Variants in USP15 observed in about 807,000 individuals in gnomAD.
USP15 encodes ubiquitin specific peptidase 15, also known as ubiquitin carboxyl-terminal hydrolase 15.
Under a neutral mutation model 127.1 loss-of-function variants are expected in USP15, and 18 were observed. The observed-to-expected ratio is 0.14, with a 90% CI of 0.10 to 0.21. The LOEUF (loss-of-function observed/expected upper bound fraction) is 0.21. USP15 is among the 10% of genes least tolerant of loss of function. The pLI, the probability that USP15 is intolerant of heterozygous loss-of-function variation, is 1.00. For missense variants in USP15, 805 were observed against 1,159.9 expected, an observed-to-expected ratio of 0.69 and a Z score of 4.44; for synonymous variants, 364 against 393.7, an observed-to-expected ratio of 0.92 and a Z score of 0.89.
chr12:62,373,632 A>G (rs1565895798), intron 8 of USP15, among the ~76,000 whole-genome samples: 2 of 151,966 alleles, frequency 1.3e-5, no homozygotes, highest in Non-Finnish European at 2.9e-5. Context: ...TGACGGGGGA[A>G]AAAAAGCAGT....
chr12:62,322,402 C>G (rs1209666571), intron 5 of USP15, among the ~76,000 whole-genome samples: 1 of 152,078 alleles, frequency 6.6e-6, no homozygotes, highest in Non-Finnish European at 1.5e-5. Context: ...TCCCAAAGTG[C>G]TGGGATTACA....
At chr12:62,282,201 G>T (rs1215103758) in intron 1 of USP15, among the ~76,000 whole-genome samples, 1 of 152,004 alleles carries the variant, frequency 6.6e-6, no homozygotes, top group Non-Finnish European at 1.5e-5. Flanking sequence ...TGTGGCACAT[G>T]CCTGTAGTCC....
At chr12:62,378,661 C>T (rs868703386) in intron 8 of USP15, among the ~76,000 whole-genome samples, 18 of 151,942 alleles carry the variant, frequency 1.2e-4, no homozygotes, top group Admixed American at 2.6e-4. Flanking sequence ...GGATCATTTA[C>T]AAAGCAGATA....
At chr12:62,347,381 A>T (rs943187248) in intron 6 of USP15, among the ~76,000 whole-genome samples, 4 of 150,542 alleles carry the variant, frequency 2.7e-5, no homozygotes, top group Non-Finnish European at 4.4e-5. Flanking sequence ...TATATATTAT[A>T]TATAATATAT....
At chr12:62,266,927 T>G (rs1286012066) in intron 1 of USP15, among the ~76,000 whole-genome samples, 1 of 152,156 alleles carries the variant, frequency 6.6e-6, no homozygotes, top group Non-Finnish European at 1.5e-5. Context: ...TCAGAGCTGG[T>G]TTAAATACCT....
chr12:62,396,546 C>G (rs1430495656), intron 20 of USP15, 148 bp downstream of exon 20: 1 of 656,242 alleles, frequency 1.5e-6, no homozygotes, highest in East Asian at 3.1e-5. Flanking sequence ...AATGAGTCAG[C>G]TTTTGAACCT....
intron 6 of USP15, among the ~76,000 whole-genome samples, chr12:62,341,836 A>G (rs1339266107): frequency 6.6e-6 from 1 of 151,988 alleles, no homozygotes; most frequent in Admixed American, 6.6e-5. Flanking sequence ...TCAACCTTGG[A>G]GAATCTGACG....
chr12:62,387,996 G>A (rs2067205740), intron 11 of USP15, among the ~76,000 whole-genome samples: 6 of 152,048 alleles, frequency 3.9e-5, no homozygotes, highest in Admixed American at 3.9e-4. Flanking sequence ...ATTCAAAGAA[G>A]TTAGTAGAAC....
chr12:62,372,079 C>T (rs906947945), intron 8 of USP15, among the ~76,000 whole-genome samples: 3 of 152,080 alleles, frequency 2.0e-5, no homozygotes, highest in African/African-American at 7.2e-5. Flanking sequence ...TTCTTTCACA[C>T]ACCTGGTTTG....
At chr12:62,295,069 C>T (rs1312917350) in intron 2 of USP15, among the ~76,000 whole-genome samples, 1 of 152,100 alleles carries the variant, frequency 6.6e-6, no homozygotes, top group African/African-American at 2.4e-5. Context: ...TCTAGGAAAA[C>T]CAAGGCTACA....
In USP15 at chr12:62,404,972, G is replaced by C. The variant is rs1019240510; in HGVS notation, c.*597G>C. The C allele has an allele frequency of 1.3e-5, 2 of 151,942 alleles. No homozygotes were observed. Among genetic ancestry groups the C allele is most frequent in the Non-Finnish European group, 2.9e-5 (2 of 67,946 alleles). The allele number at this position is 151,942 out of a possible 1,614,324, so 9.4% of individuals were successfully genotyped here. A position where few individuals can be genotyped will look rare whatever the true frequency, so the allele number is the denominator to read the frequency against. ...AACCTTGGAAAAGTTATTTCCCTTT[G>C]TAATACCTTTAAAAATCCAGAGTAT... On this transcript the variant is annotated 3_prime_UTR_variant, in exon 22 of 22. Coordinates refer to ENST00000280377, the MANE Select transcript of USP15 (RefSeq NM_001252078.2).
rs71450579 is a variant in USP15, at chr12:62,289,697, T to TTGTGTGTGTGTGTG, written c.90-4454_90-4441dup. Among the ~76,000 whole-genome samples the TTGTGTGTGTGTGTG allele has an allele frequency of 5.0e-3, 680 of 135,486 alleles. 5 individuals carry two copies. Among genetic ancestry groups the TTGTGTGTGTGTGTG allele is most frequent in the East Asian group, 0.011 (48 of 4,566 alleles). 88.9% of individuals were successfully genotyped at this position (135,486 alleles called of 152,430 possible). On this transcript the variant is annotated intron_variant, in intron 1 of 21. Coordinates refer to ENST00000280377, the MANE Select transcript of USP15 (RefSeq NM_001252078.2). ...TTGGGTGTGACATTAGGTTGTTAAT[T>TTGTGTGTGTGTGTG]TGTGTGTGTGTGTGTGTGTGTGTGT...
chr12:62,299,214 G>A (rs990727180), intron 2 of USP15, among the ~76,000 whole-genome samples: 3 of 152,060 alleles, frequency 2.0e-5, no homozygotes, highest in African/African-American at 4.8e-5. Flanking sequence ...AGGTTCGAGC[G>A]ATTATCCTAC....
chr12:62,297,359 TCTTAC>T (rs1354195740), intron 2 of USP15, among the ~76,000 whole-genome samples: 1 of 151,914 alleles, frequency 6.6e-6, no homozygotes, highest in Non-Finnish European at 1.5e-5. Flanking sequence ...CTGACTTCTG[TCTTAC>T]CTTACCCAGT....
intron 8 of USP15, among the ~76,000 whole-genome samples, chr12:62,376,776 T>C (rs879577689): frequency 4.6e-5 from 7 of 152,196 alleles, no homozygotes; most frequent in Non-Finnish European, 7.4e-5. Context: ...GTAAGAGATA[T>C]TCACGTAGGC....
chr12:62,315,047 T>G, intron 4 of USP15, 131 bp downstream of exon 4: 1 of 837,838 alleles, frequency 1.2e-6, no homozygotes, highest in South Asian at 4.1e-5. Flanking sequence ...CCAGCTTTGA[T>G]ACAATGTCTT....
chr12:62,313,645 G>A (rs989109349), intron 3 of USP15, among the ~76,000 whole-genome samples: 1 of 151,636 alleles, frequency 6.6e-6, no homozygotes, highest in Non-Finnish European at 1.5e-5. Flanking sequence ...AAGTAAATCA[G>A]CCTAAGATGT....
At chr12:62,278,659 C>T (rs1173805439) in intron 1 of USP15, 1 of 152,088 alleles carries the variant, frequency 6.6e-6, no homozygotes, top group Non-Finnish European at 1.5e-5. Flanking sequence ...TACAGATGGT[C>T]CTCAACTTAA....
chr12:62,304,565 C>T (rs1046594277), intron 3 of USP15: 2 of 295,258 alleles, frequency 6.8e-6, no homozygotes, highest in Non-Finnish European at 1.4e-5. Flanking sequence ...TTACCCATCT[C>T]TGATTGCATT....
Sources: allele counts gnomAD v4.1 joint callset (sites outside exome capture counted in the v4.1 genomes callset), GRCh38; gene constraint gnomAD v4.1.1; transcripts MANE v1.5; gene names NCBI Gene and HGNC (gene_info 2026-07-23, HGNC 2026-07-21).